The following NEK5 variants were observed in gnomAD, a reference collection of about 807,000 sequenced individuals.
NEK5 encodes the protein NIMA related kinase 5.
Under a neutral mutation model 109.2 loss-of-function variants are expected in NEK5, and 88 were observed. That is an observed-to-expected ratio of 0.81 (90% CI 0.68 to 0.96). NEK5 has a LOEUF of 0.96. NEK5 is among the 40% of genes least tolerant of loss of function. NEK5 has a pLI of 0.00. For synonymous variants in NEK5, 283 were observed against 299.9 expected (o/e 0.94, Z 0.58); for missense variants, 834 against 920.7 (o/e 0.91, Z 1.22).
intron 3 of NEK5, among the ~76,000 whole-genome samples, chr13:52,124,733 G>A (rs1330352671): frequency 2.6e-5 from 4 of 152,196 alleles, no homozygotes; most frequent in South Asian, 4.2e-4. Flanking sequence ...GCACCTTCTC[G>A]ATTTCTTTGA....
intron 23 of NEK5, among the ~76,000 whole-genome samples, chr13:52,039,908 C>G (rs954212925): frequency 2.0e-5 from 3 of 151,942 alleles, no homozygotes; most frequent in Admixed American, 2.0e-4. Flanking sequence ...AGGGGTGGAG[C>G]CTTTAGGAGG....
At chr13:52,064,229 G>A (rs1325164095) in intron 21 of NEK5, among the ~76,000 whole-genome samples, 2 of 145,256 alleles carry the variant, frequency 1.4e-5, no homozygotes, top group East Asian at 2.1e-4. Flanking sequence ...GGGAGGTGGG[G>A]GGGTCAGCCC....
chr13:52,127,515 A>G lies in NEK5; in HGVS notation c.-22-11T>C. 1 of 1,145,652 alleles carries G rather than the reference A, an allele frequency of 8.7e-7. No individual in the cohort carries two copies. 71.0% of individuals were successfully genotyped at this position (1,145,652 alleles called of 1,614,324 possible). A position where few individuals can be genotyped will look rare whatever the true frequency, so the allele number is the denominator to read the frequency against. ...AATGGGCTGAGTTTCCTGGAATTAG[A>G]GTAATGTAAATTTATCACACACGTC... On this transcript the variant is annotated splice_polypyrimidine_tract_variant and intron_variant, in intron 2 of 23. Coordinates refer to ENST00000684899, the MANE Select transcript of NEK5 (RefSeq NM_001365552.1).
intron 4 of NEK5, among the ~76,000 whole-genome samples, chr13:52,113,183 T>C (rs1955788503): frequency 6.6e-6 from 1 of 152,060 alleles, no homozygotes; most frequent in Admixed American, 6.5e-5. Context: ...ACTGGAAAAC[T>C]TCTAAAAGGA....
chr13:52,127,486 C>G lies in NEK5; in HGVS notation c.-4G>C, dbSNP rs879771450. Reference sequence around the variant, plus strand: ...TAATCACATCGTACTTATCCATGGTCTCCAATGGGCTGAGTTTCCTGGAAT... The same window carrying G: ...TAATCACATCGTACTTATCCATGGTGTCCAATGGGCTGAGTTTCCTGGAAT... On this transcript the variant is annotated 5_prime_UTR_variant, in exon 3 of 24. Coordinates refer to ENST00000684899, the MANE Select transcript of NEK5 (RefSeq NM_001365552.1). 3.4e-6 allele frequency: 5 copies of G among 1,478,582 alleles called. No homozygotes were observed. Among genetic ancestry groups the G allele is most frequent in the Non-Finnish European group, 3.8e-6 (4 of 1,057,494 alleles). The allele number at this position is 1,478,582 out of a possible 1,614,324, so 91.6% of individuals were successfully genotyped here. A position where few individuals can be genotyped will look rare whatever the true frequency, so the allele number is the denominator to read the frequency against.
intron 23 of NEK5, among the ~76,000 whole-genome samples, chr13:52,043,874 G>GT (rs1954435233): frequency 3.3e-5 from 5 of 152,194 alleles, no homozygotes; most frequent in Admixed American, 3.3e-4. Flanking sequence ...TTGGAAAACA[G>GT]TAAGTTAAAC....
At chr13:52,127,112 G>C (rs192250228) in intron 3 of NEK5, among the ~76,000 whole-genome samples, 1 of 152,074 alleles carries the variant, frequency 6.6e-6, no homozygotes, top group Non-Finnish European at 1.5e-5. Flanking sequence ...TCGAACTCCT[G>C]GCTTCACACA....
chr13:52,057,796 G>C (rs1486942176), intron 22 of NEK5, among the ~76,000 whole-genome samples: 1 of 151,728 alleles, frequency 6.6e-6, no homozygotes, highest in Non-Finnish European at 1.5e-5. Flanking sequence ...TTGATGGGAC[G>C]TATCTCAAAA....
intron 17 of NEK5, among the ~76,000 whole-genome samples, chr13:52,079,196 AT>A (rs1954923636): frequency 6.6e-6 from 1 of 152,120 alleles, no homozygotes; most frequent in Non-Finnish European, 1.5e-5. Flanking sequence ...GGGAAGGGAT[AT>A]TTCAGTAGAG....
At chr13:52,121,935 C>CTT (rs781057134) in intron 3 of NEK5, among the ~76,000 whole-genome samples, 9 of 138,530 alleles carry the variant, frequency 6.5e-5, no homozygotes, top group African/African-American at 2.4e-4. Context: ...GTTTTGCTAG[C>CTT]TTTTTTTTTT....
chr13:52,042,257 T>A, intron 23 of NEK5, among the ~76,000 whole-genome samples: 1 of 150,434 alleles, frequency 6.6e-6, no homozygotes. Flanking sequence ...AGAATATACA[T>A]CAACAAGAAA....
intron 21 of NEK5, among the ~76,000 whole-genome samples, chr13:52,062,456 ACT>A (rs923230124): frequency 6.8e-6 from 1 of 147,534 alleles, no homozygotes; most frequent in African/African-American, 2.5e-5. Context: ...ACAGAGTCTC[ACT>A]CTGTCAGCCA....
At chr13:52,074,218 C>T (rs1179376479) in intron 19 of NEK5, among the ~76,000 whole-genome samples, 1 of 152,074 alleles carries the variant, frequency 6.6e-6, no homozygotes, top group African/African-American at 2.4e-5. Flanking sequence ...CGTCACATTA[C>T]CCAACTTCAA....
chr13:52,072,028 T>G lies in NEK5; in HGVS notation c.1765A>C (p.Met589Leu). ...ACACATTCATATTCCTTAAACTTCA[T>G]GCCATCCTCAAAGGTCAAAGTTTCA... ...PNETLTFEDG[M>L]KFKEYECVKE... The change falls in exon 20 of 24, where the codon ATG becomes CTG. Residue 589 changes from methionine (M) to leucine (L), a missense_variant. Met to Leu is a conservative substitution (Grantham distance 15, BLOSUM62 2). Coordinates refer to ENST00000684899, the MANE Select transcript of NEK5 (RefSeq NM_001365552.1). The G allele has an allele frequency of 1.2e-6, 2 of 1,611,050 alleles. No individual in the cohort carries two copies. Among genetic ancestry groups the G allele is most frequent in the Non-Finnish European group, 1.7e-6 (2 of 1,177,240 alleles).
rs367747989 is a variant in NEK5, at chr13:52,063,996, T to TG, written c.1975+1487dup. 7.4e-3 allele frequency among the ~76,000 whole-genome samples: 728 copies of TG among 97,868 alleles called. 13 individuals are homozygous for TG. Among genetic ancestry groups the TG allele is most frequent in the African/African-American group, 0.03 (607 of 20,368 alleles). The allele number at this position is 97,868 out of a possible 152,430, so 64.2% of individuals were successfully genotyped here. A position where few individuals can be genotyped will look rare whatever the true frequency, so the allele number is the denominator to read the frequency against. On this transcript the variant is annotated intron_variant, in intron 21 of 23. Transcript: ENST00000684899. ...CCAGCCACCCCGTCCGGGAGGGAGG[T>TG]GGGGGGGGGGGTCAGCCCCCCGCCC...
intron 8 of NEK5, among the ~76,000 whole-genome samples, chr13:52,105,548 T>G (rs1955637352): frequency 6.6e-6 from 1 of 151,790 alleles, no homozygotes; most frequent in Non-Finnish European, 1.5e-5. Context: ...TTTCTAGACC[T>G]TCTAGAAACT....
At chr13:52,063,635 T>A (rs1042119782) in intron 21 of NEK5, among the ~76,000 whole-genome samples, 89 of 141,380 alleles carry the variant, frequency 6.3e-4, no homozygotes, top group Non-Finnish European at 1.2e-3. Flanking sequence ...GAGGAGCATC[T>A]CTGCCCGGCC....
At chr13:52,063,080 GTCTCCC>G (rs1385676960) in intron 21 of NEK5, among the ~76,000 whole-genome samples, 1 of 150,036 alleles carries the variant, frequency 6.7e-6, no homozygotes, top group African/African-American at 2.5e-5. Context: ...TCTCCCCACG[GTCTCCC>G]TCTCCCTCTC....
chr13:52,128,587 G>T (rs973792575), intron 1 of NEK5, among the ~76,000 whole-genome samples: 9 of 152,126 alleles, frequency 5.9e-5, no homozygotes, highest in Admixed American at 5.2e-4. Flanking sequence ...GTCGGTACTG[G>T]GTTGCAGGGG....
Sources: gnomAD v4.1 joint callset for allele counts (sites outside exome capture counted in the v4.1 genomes callset) on GRCh38, gnomAD v4.1.1 for gene constraint, MANE v1.5 for transcripts, NCBI Gene and HGNC (gene_info 2026-07-23, HGNC 2026-07-21) for gene names.